KCNQ1: variants seen among roughly 807,000 people sequenced by gnomAD.
KCNQ1 encodes the protein potassium voltage-gated channel subfamily Q member 1.
A neutral mutation model predicts 72.4 loss-of-function variants in KCNQ1; 49 were observed. The ratio of observed to expected loss-of-function variants is 0.68; its 90% confidence interval spans 0.54 to 0.86. The LOEUF is 0.86. Among genes scored for constraint, KCNQ1 ranks in the 40% least tolerant of loss-of-function variants. The pLI is 0.00. For missense variants in KCNQ1, 790 were observed against 945.1 expected, an observed-to-expected ratio of 0.84 and a Z score of 2.15; for synonymous variants, 450 against 412.6, an observed-to-expected ratio of 1.09 and a Z score of -1.10.
At chr11:2,747,250 T>C (rs1477661425) in intron 11 of KCNQ1, among the ~76,000 whole-genome samples, 1 of 152,244 alleles carries the variant, frequency 6.6e-6, no homozygotes, top group Non-Finnish European at 1.5e-5. Context: ...AAGCCCCAAT[T>C]TATTAGTCTT....
chr11:2,847,699 C>A, intron 15 of KCNQ1, 68 bp from the exon 16 acceptor site: 2 of 1,435,230 alleles, frequency 1.4e-6, no homozygotes, highest in Non-Finnish European at 1.9e-6. Flanking sequence ...CAAACCTGGG[C>A]CCTGAGGCTG....
intron 10 of KCNQ1, chr11:2,629,985 T>C (rs1849326799): frequency 2.5e-6 from 1 of 396,906 alleles, no homozygotes; most frequent in African/African-American, 2.1e-5. Context: ...AGAATATCTT[T>C]TTCTTGTTCC....
Position 2,446,817 on chromosome 11 carries a change from A to G in KCNQ1, c.386+1333A>G, listed in dbSNP as rs919287956. On this transcript the variant is annotated intron_variant, in intron 1 of 15. Transcript: ENST00000155840. The surrounding 1 kb of genome is among the most constrained non-coding windows in gnomAD (Gnocchi z 8.8). ...GAGCCACAGCCGCTGCTGGTCTGTG[A>G]GAGGAGCTGGCTCTGCTCGTGGCTG... Among the ~76,000 whole-genome samples the G allele has an allele frequency of 2.0e-5, 3 of 152,118 alleles. No individual in the cohort carries two copies. The highest frequency in any genetic ancestry group is 2.9e-5 in the Non-Finnish European group (2 of 68,010).
At chr11:2,517,477 G>T (rs1041553783) in intron 1 of KCNQ1, among the ~76,000 whole-genome samples, 4 of 152,168 alleles carry the variant, frequency 2.6e-5, no homozygotes, top group Non-Finnish European at 5.9e-5. Context: ...TTGAGTCCCC[G>T]CTGCGTCACT....
At position 2,481,212 on chromosome 11, in the gene KCNQ1, A is replaced by G. The variant is rs1846645469; in HGVS notation, c.386+35728A>G. Reference sequence around the variant, plus strand: ...AGACATAAGAAAATGCTTTTAGTAGATCAGTTTTTCTGATTGTAAAGTTCA... The same window carrying G: ...AGACATAAGAAAATGCTTTTAGTAGGTCAGTTTTTCTGATTGTAAAGTTCA... On this transcript the variant is annotated intron_variant, in intron 1 of 15. Transcript: ENST00000155840. The surrounding 1 kb of genome is among the most constrained non-coding windows in gnomAD (Gnocchi z 4.6). Among the ~76,000 whole-genome samples the G allele has an allele frequency of 6.6e-6, 1 of 152,188 alleles. No individual in the cohort carries two copies. Among genetic ancestry groups the G allele is most frequent in the South Asian group, 2.1e-4 (1 of 4,832 alleles).
rs575568864 is a variant in KCNQ1 at position 2,547,993 on chromosome 11, G to A, written c.477+19975G>A. Among the ~76,000 whole-genome samples, 63 of 152,220 alleles carry A rather than the reference G, an allele frequency of 4.1e-4. No homozygotes were observed. The highest frequency in any genetic ancestry group is 6.9e-4 in the Non-Finnish European group (47 of 68,042). On this transcript the variant is annotated intron_variant, in intron 2 of 15. Coordinates refer to ENST00000155840, the MANE Select transcript of KCNQ1 (RefSeq NM_000218.3). The surrounding 1 kb of genome is among the most constrained non-coding windows in gnomAD (Gnocchi z 4.2). ...GGAGCAGGGAGCGGTGGGGGATGAG[G>A]TCAGGGAGGTGGCAGGACCTGGCGT...
chr11:2,618,360 G>A (rs1466489724), intron 10 of KCNQ1: 2 of 398,402 alleles, frequency 5.0e-6, no homozygotes, highest in African/African-American at 4.1e-5. Context: ...AATTTGTGTT[G>A]GGCCTCATTA....
chr11:2,463,085 AGGGTGTG>A lies in KCNQ1; in HGVS notation c.386+17605_386+17611del, dbSNP rs142096854. ...GTCCTTCAGGGATATACCTGCTGTC[AGGGTGTG>A]GGGAGTGGGAAGTGGGGGACGGGGT... is the stretch of plus-strand genomic sequence containing the variant. On this transcript the variant is annotated intron_variant, in intron 1 of 15. Transcript: ENST00000155840. This position sits in a 1 kb window ranked among gnomAD's most constrained non-coding sequence, Gnocchi z 7.0. 0.019 allele frequency among the ~76,000 whole-genome samples: 2,872 copies of A among 151,836 alleles called. 43 individuals are homozygous for A. The highest frequency in any genetic ancestry group is 0.03 in the Non-Finnish European group (2,044 of 67,894).
Position 2,626,421 on chromosome 11 carries a change from G to C in KCNQ1, c.1394-35540G>C. On this transcript the variant is annotated intron_variant, in intron 10 of 15. Transcript: ENST00000155840. The surrounding 1 kb of genome is among the most constrained non-coding windows in gnomAD (Gnocchi z 4.0). ...TTGGCACTCTTCTCAGGAATCATTT[G>C]ATCATGTATACAAGGGTTTATTTTT... is the stretch of plus-strand genomic sequence containing the variant. The C allele has an allele frequency of 2.5e-6, 1 of 398,562 alleles. No individual in the cohort carries two copies. The allele number at this position is 398,562 out of a possible 1,614,324, so 24.7% of individuals were successfully genotyped here.
At chr11:2,791,336 GGCGGT>G (rs1431668263) in intron 15 of KCNQ1, among the ~76,000 whole-genome samples, 1 of 152,016 alleles carries the variant, frequency 6.6e-6, no homozygotes, top group African/African-American at 2.4e-5. Context: ...AGGGCGTGAG[GGCGGT>G]GCGGAGCCTT....
rs1847152664 is a variant in KCNQ1, at chr11:2,509,160, C to T, written c.387-18768C>T. Among the ~76,000 whole-genome samples, 1 of 152,244 alleles carries T rather than the reference C, an allele frequency of 6.6e-6. No individual in the cohort carries two copies. Among genetic ancestry groups the T allele is most frequent in the Admixed American group, 6.5e-5 (1 of 15,288 alleles). ...GGACTCTGTTACCAAAAGCACACAGCACAGGTTGGGAGAGCAACTATCTCA... is the reference window on the plus strand; with the variant it reads ...GGACTCTGTTACCAAAAGCACACAGTACAGGTTGGGAGAGCAACTATCTCA... On this transcript the variant is annotated intron_variant, in intron 1 of 15. Transcript: ENST00000155840. This position sits in a 1 kb window ranked among gnomAD's most constrained non-coding sequence, Gnocchi z 6.3.
Position 2,445,250 on chromosome 11 carries a change from A to ACGCGCCCAT in KCNQ1, c.160_168dup (p.Ile54_Pro56dup), listed in dbSNP as rs397515877. The ACGCGCCCAT allele has an allele frequency of 1.7e-3, 2,074 of 1,199,452 alleles. 33 individuals are homozygous for ACGCGCCCAT. In the African/African-American group the frequency reaches 0.03, roughly 17 times the overall value. The allele number at this position is 1,199,452 out of a possible 1,614,324, so 74.3% of individuals were successfully genotyped here. On this transcript the variant is annotated inframe_insertion, in exon 1 of 16. Coordinates refer to ENST00000155840, the MANE Select transcript of KCNQ1 (RefSeq NM_000218.3). The stretch of plus-strand genomic sequence containing the variant: ...GGCGGCCCGGCGGGCGGCGCGCTCT[A>ACGCGCCCAT]CGCGCCCATCGCGCCCGGCGCCCCA...
chr11:2,648,094 T>G (rs1334485863), intron 10 of KCNQ1: 14 of 391,916 alleles, frequency 3.6e-5, no homozygotes, highest in Non-Finnish European at 5.8e-5. Flanking sequence ...GCTGCACATC[T>G]ACTCAGAAGC....
Position 2,669,573 on chromosome 11 carries a change from T to A in KCNQ1, c.1514+7492T>A. On this transcript the variant is annotated intron_variant, in intron 11 of 15. Transcript: ENST00000155840. This position sits in a 1 kb window ranked among gnomAD's most constrained non-coding sequence, Gnocchi z 5.6. ...GTCAGGGAGCCCTGGCCAGCTTGGG[T>A]CATTTCATCCTGCCCACAGGACACT... 3 of 398,580 alleles carry A rather than the reference T, an allele frequency of 7.5e-6. No homozygotes were observed. Among genetic ancestry groups the A allele is most frequent in the Non-Finnish European group, 1.3e-5 (3 of 226,054 alleles). 24.7% of individuals were successfully genotyped at this position (398,580 alleles called of 1,614,324 possible).
chr11:2,660,872 G>A (rs1010363241), intron 10 of KCNQ1: 1 of 398,454 alleles, frequency 2.5e-6, no homozygotes, highest in Non-Finnish European at 4.4e-6. Context: ...GAATAAAGAT[G>A]AATATGGCAT....
chr11:2,624,881 C>G lies in KCNQ1; in HGVS notation c.1393+36027C>G. On this transcript the variant is annotated intron_variant, in intron 10 of 15. Transcript: ENST00000155840. The surrounding 1 kb of genome is among the most constrained non-coding windows in gnomAD (Gnocchi z 4.9). ...GCTGTATTTCATTTAACATAATGGC[C>G]TCGAGGTTCATCCATGTTGTGGCAT... 2 of 398,460 alleles carry G rather than the reference C, an allele frequency of 5.0e-6. No homozygotes were observed. Among genetic ancestry groups the G allele is most frequent in the Non-Finnish European group, 8.8e-6 (2 of 226,062 alleles). 24.7% of individuals were successfully genotyped at this position (398,460 alleles called of 1,614,324 possible).
rs567891719 is a variant in KCNQ1, at chr11:2,495,054, T to C, written c.387-32874T>C. 6.6e-6 allele frequency among the ~76,000 whole-genome samples: 1 copy of C among 152,202 alleles called. No homozygotes were observed. Among genetic ancestry groups the C allele is most frequent in the African/African-American group, 2.4e-5 (1 of 41,448 alleles). On this transcript the variant is annotated intron_variant, in intron 1 of 15. Coordinates refer to ENST00000155840, the MANE Select transcript of KCNQ1 (RefSeq NM_000218.3). The surrounding 1 kb of genome is among the most constrained non-coding windows in gnomAD (Gnocchi z 4.6). ...TCTATTCAGGGATTCGACTTTTTCC[T>C]GGTTTAGTCTTGGAGGGTGTATGTG...
chr11:2,587,713 C>T (rs1174668817), intron 9 of KCNQ1, 21 bp downstream of exon 9: 1 of 1,613,468 alleles, frequency 6.2e-7, no homozygotes, highest in African/African-American at 1.3e-5. Context: ...CACCTGCCAC[C>T]AGGGCAGGGC....
intron 15 of KCNQ1, among the ~76,000 whole-genome samples, chr11:2,791,153 T>G (rs1336365447): frequency 6.6e-6 from 1 of 152,242 alleles, no homozygotes; most frequent in Non-Finnish European, 1.5e-5. Flanking sequence ...TGAGTGCAAC[T>G]GCTTCAGAGA....
Sources: allele counts gnomAD v4.1 joint callset (sites outside exome capture counted in the v4.1 genomes callset), GRCh38; gene constraint gnomAD v4.1.1; non-coding constraint Gnocchi (gnomAD v3.1); transcripts MANE v1.5; gene names NCBI Gene and HGNC (gene_info 2026-07-23, HGNC 2026-07-21).